Variants in SPACA3 observed in about 807,000 individuals in gnomAD.
SPACA3 encodes the protein sperm acrosome associated 3.
Under a neutral mutation model 24.5 loss-of-function variants are expected in SPACA3, and 21 were observed. The ratio of observed to expected loss-of-function variants is 0.86; its 90% CI spans 0.61 to 1.24. The LOEUF is 1.24. Among genes scored for constraint, SPACA3 ranks in the 50% most tolerant of loss-of-function variants. The pLI is 0.00. For synonymous variants in SPACA3, 115 were observed against 106.9 expected, an observed-to-expected ratio of 1.08 and a Z score of -0.47; for missense variants, 278 against 275.5, an observed-to-expected ratio of 1.01 and a Z score of -0.06.
At chr17:32,993,380 A>T (rs567911051) in intron 1 of SPACA3, among the ~76,000 whole-genome samples, 1 of 152,292 alleles carries the variant, frequency 6.6e-6, no homozygotes, top group African/African-American at 2.4e-5. Context: ...AAAGTGGAAG[A>T]GAAGAGGGCT....
Position 32,996,978 on chromosome 17 carries a change from A to G in SPACA3, c.479A>G (p.Asn160Ser), listed in dbSNP as rs201467254. 45 of 1,575,760 alleles carry G rather than the reference A, an allele frequency of 2.9e-5. No individual in the cohort carries two copies. The highest frequency in any genetic ancestry group is 2.4e-4 in the African/African-American group (18 of 73,750). ...AGCAACCTCACCCCGAACGTCCCCA[A>G]CGTGTGCCGGATGTACTGCTCAGGT... Reference protein sequence around the residue: ...WCSNLTPNVPNVCRMYCSDLL... With the variant: ...WCSNLTPNVPSVCRMYCSDLL... Residue 160 changes from asparagine (N) to serine (S), a missense_variant, in exon 3 of 5, where the codon AAC becomes AGC. By Grantham distance (46) the Asn-to-Ser change is conservative. Transcript: ENST00000269053.
In SPACA3 at chr17:32,996,988, G is replaced by A. The variant is rs1051923981; in HGVS notation, c.489G>A (p.Arg163=). 1 of 1,555,850 alleles carries A rather than the reference G, an allele frequency of 6.4e-7. No individual in the cohort carries two copies. Among genetic ancestry groups the A allele is most frequent in the Non-Finnish European group, 8.7e-7 (1 of 1,150,798 alleles). ...CCCCGAACGTCCCCAACGTGTGCCG[G>A]ATGTACTGCTCAGGTAGCTGGGCCT... ...NLTPNVPNVC[R]MYCSDLLNPN... Residue 163 remains arginine (R), a synonymous_variant, in exon 3 of 5, where the codon CGG becomes CGA. Coordinates refer to ENST00000269053, the MANE Select transcript of SPACA3 (RefSeq NM_173847.5).
chr17:32,992,186 C>CAA (rs10591674), intron 1 of SPACA3, among the ~76,000 whole-genome samples: 1,852 of 113,498 alleles, frequency 0.016, 27 homozygotes, highest in African/African-American at 0.036. Flanking sequence ...CACTTTTCTA[C>CAA]AAAAAAAAAA....
intron 1 of SPACA3, among the ~76,000 whole-genome samples, chr17:32,993,517 A>G (rs1245173470): frequency 3.3e-5 from 5 of 152,144 alleles, no homozygotes; most frequent in Non-Finnish European, 5.9e-5. Context: ...AGCATCGTGG[A>G]AACCAGGAGA....
chr17:32,995,337 T>C, intron 1 of SPACA3, 72 bp from the exon 2 acceptor site: 1 of 1,425,764 alleles, frequency 7.0e-7, no homozygotes, highest in Non-Finnish European at 9.6e-7. Context: ...TGATCAGGAA[T>C]GCAAGGGGGC....
intron 1 of SPACA3, among the ~76,000 whole-genome samples, chr17:32,993,371 A>G (rs2091702787): frequency 6.6e-6 from 1 of 152,170 alleles, no homozygotes; most frequent in Non-Finnish European, 1.5e-5. Flanking sequence ...GGTTTCCTCA[A>G]AGTGGAAGAG....
At chr17:32,996,571 A>C (rs73273918) in intron 2 of SPACA3, among the ~76,000 whole-genome samples, 9,000 of 152,032 alleles carry the variant, frequency 0.059, 377 homozygotes, top group African/African-American at 0.13. Context: ...GAACAATGAG[A>C]TAATGGGAAG....
At chr17:32,992,161 G>C (rs2091693549) in intron 1 of SPACA3, among the ~76,000 whole-genome samples, 189 bp downstream of exon 1, 1 of 126,394 alleles carries the variant, frequency 7.9e-6, no homozygotes, top group Non-Finnish European at 1.6e-5. Flanking sequence ...GCTCAGGATG[G>C]AATTCCTTTT....
At position 32,995,681 on chromosome 17, in the gene SPACA3, G is replaced by A. The variant is rs200269504; in HGVS notation, c.307G>A (p.Gly103Arg). ...ACTGGCCAGAGTGCTACATGACTTC[G>A]GGCTGGACGGATACCGGGGATACAG... ...CELARVLHDF[G>R]LDGYRGYSLA... The change falls in exon 2 of 5, where the codon GGG becomes AGG. Residue 103 changes from glycine (G) to arginine (R), a missense_variant. Gly to Arg is a moderately radical substitution (Grantham distance 125, BLOSUM62 -2). Coordinates refer to ENST00000269053, the MANE Select transcript of SPACA3 (RefSeq NM_173847.5). The A allele has an allele frequency of 3.7e-5, 59 of 1,614,104 alleles. No individual in the cohort carries two copies. The East Asian group carries it at 6.5e-4, about 18-fold the overall frequency.
At chr17:32,997,337 G>C in intron 3 of SPACA3, 108 bp from the exon 4 acceptor site, 1 of 794,334 alleles carries the variant, frequency 1.3e-6, no homozygotes, top group Non-Finnish European at 2.1e-6. Context: ...GTGTGTGTGT[G>C]TGTGTGTAGA....
chr17:32,995,400 C>T lies in SPACA3; in HGVS notation c.35-9C>T. On this transcript the variant is annotated splice_polypyrimidine_tract_variant and intron_variant, in intron 1 of 4. Coordinates refer to ENST00000269053, the MANE Select transcript of SPACA3 (RefSeq NM_173847.5). Reference sequence around the variant, plus strand: ...CTGCCCACCCCTTCTCTCCTCTCCCCTTTCCCAGGGGTGCACTCAAGCCCT... The same window carrying T: ...CTGCCCACCCCTTCTCTCCTCTCCCTTTTCCCAGGGGTGCACTCAAGCCCT... 1.3e-6 allele frequency: 2 copies of T among 1,580,590 alleles called. No homozygotes were observed. Among genetic ancestry groups the T allele is most frequent in the Non-Finnish European group, 8.6e-7 (1 of 1,162,246 alleles).
chr17:32,996,488 CAAAAAA>C (rs71144856), intron 2 of SPACA3, among the ~76,000 whole-genome samples: 2 of 103,614 alleles, frequency 1.9e-5, no homozygotes, highest in Non-Finnish European at 2.1e-5. Flanking sequence ...GACTCCGTCT[CAAAAAA>C]AAAAAAAAAA....
intron 3 of SPACA3, 48 bp from the exon 4 acceptor site, chr17:32,997,397 C>T (rs1012029500): frequency 6.8e-7 from 1 of 1,480,988 alleles, no homozygotes; most frequent in Non-Finnish European, 9.4e-7. Flanking sequence ...ACACACACAC[C>T]TGGATGTCTC....
In SPACA3 at chr17:32,997,694, C is replaced by T; in HGVS notation, c.582-18C>T. ...GCAGCTGATATTATCTCTCCTCTTC[C>T]CTGTTCTCCATCCTCAGGGAGGCCT... On this transcript the variant is annotated intron_variant, in intron 4 of 4. Coordinates refer to ENST00000269053, the MANE Select transcript of SPACA3 (RefSeq NM_173847.5). The T allele has an allele frequency of 1.9e-6, 3 of 1,613,558 alleles. No individual in the cohort carries two copies. The highest frequency in any genetic ancestry group is 2.5e-6 in the Non-Finnish European group (3 of 1,179,442).
chr17:32,994,308 T>C (rs1231434723), intron 1 of SPACA3, among the ~76,000 whole-genome samples: 1 of 152,120 alleles, frequency 6.6e-6, no homozygotes, highest in South Asian at 2.1e-4. Flanking sequence ...AACAATCATA[T>C]GAGGCAGGTG....
intron 2 of SPACA3, among the ~76,000 whole-genome samples, chr17:32,996,207 G>C (rs1567711927): frequency 6.6e-6 from 1 of 152,130 alleles, no homozygotes; most frequent in South Asian, 2.1e-4. Context: ...GCACTTGTAG[G>C]CTGGGTGCAG....
In SPACA3 at chr17:32,992,170, T is replaced by C. The variant is rs554692830; in HGVS notation, c.34+198T>C. Among the ~76,000 whole-genome samples, 41 of 139,944 alleles carry C rather than the reference T, an allele frequency of 2.9e-4. No individual in the cohort carries two copies. In the South Asian group the frequency reaches 3.1e-3, roughly 10 times the overall value. The allele number at this position is 139,944 out of a possible 152,430, so 91.8% of individuals were successfully genotyped here. Reference sequence around the variant, plus strand: ...TGAAATGCTCAGGATGGAATTCCTTTTAAGTCACTTTTCTACAAAAAAAAA... The same window carrying C: ...TGAAATGCTCAGGATGGAATTCCTTCTAAGTCACTTTTCTACAAAAAAAAA... On this transcript the variant is annotated intron_variant, in intron 1 of 4. Transcript: ENST00000269053.
intron 1 of SPACA3, among the ~76,000 whole-genome samples, chr17:32,994,692 G>A (rs1442688842): frequency 6.6e-6 from 1 of 152,142 alleles, no homozygotes; most frequent in East Asian, 1.9e-4. Context: ...GGGCAGGGGA[G>A]GGACTGGCTG....
chr17:32,995,299 G>A, intron 1 of SPACA3, 110 bp from the exon 2 acceptor site: 2 of 1,019,886 alleles, frequency 2.0e-6, no homozygotes, highest in South Asian at 3.3e-5. Context: ...GGGAAGGAGA[G>A]GGGCTGGTCT....
Sources: gnomAD v4.1 joint callset for allele counts (sites outside exome capture counted in the v4.1 genomes callset) on GRCh38, gnomAD v4.1.1 for gene constraint, MANE v1.5 for transcripts, NCBI Gene and HGNC (gene_info 2026-07-23, HGNC 2026-07-21) for gene names.